PCDHGA2: variants seen among roughly 807,000 people sequenced by gnomAD.
The protein encoded by PCDHGA2 is protocadherin gamma-A2.
PCDHGA2 carries 40 observed loss-of-function variants against 59.2 expected under a neutral mutation model. That is an observed-to-expected ratio of 0.68 (90% CI 0.52 to 0.88). PCDHGA2 has a LOEUF of 0.88. Among genes scored for constraint, PCDHGA2 ranks in the 40% least tolerant of loss-of-function variants. The pLI is 0.00. For synonymous variants in PCDHGA2, 560 were observed against 526.0 expected (o/e 1.06, Z -0.89); for missense variants, 1,226 against 1,204.0 (o/e 1.02, Z -0.27).
intron 1 of PCDHGA2, chr5:141,409,628 G>A (rs367728235): frequency 1.2e-6 from 2 of 1,613,730 alleles, no homozygotes; most frequent in Non-Finnish European, 1.7e-6. Context: ...GCAAGTGAGC[G>A]CCTCTGACCC....
intron 1 of PCDHGA2, chr5:141,429,047 GGTTTCACC>G (rs1254088441): frequency 1.3e-5 from 2 of 152,034 alleles, no homozygotes; most frequent in Non-Finnish European, 2.9e-5. Flanking sequence ...GTACAGACGG[GGTTTCACC>G]GTGTTAGCCA....
At position 141,476,304 on chromosome 5, in the gene PCDHGA2, C is replaced by T. The variant is rs769790423; in HGVS notation, c.2425-18503C>T. On this transcript the variant is annotated intron_variant, in intron 1 of 3. Coordinates refer to ENST00000394576, the MANE Select transcript of PCDHGA2 (RefSeq NM_018915.4). The surrounding 1 kb of genome is among the most constrained non-coding windows in gnomAD (Gnocchi z 7.6). Reference sequence around the variant, plus strand: ...GGTTTGGATCTCGGTAGCCTCTCAGCCCGCAGGTTCCGGGTGGTGTCTGGA... The same window carrying T: ...GGTTTGGATCTCGGTAGCCTCTCAGTCCGCAGGTTCCGGGTGGTGTCTGGA... The T allele has an allele frequency of 6.2e-7, 1 of 1,613,746 alleles. No individual in the cohort carries two copies. Among genetic ancestry groups the T allele is most frequent in the Admixed American group, 1.7e-5 (1 of 59,988 alleles).
rs770468191 is a variant in PCDHGA2, at chr5:141,478,296, A to G, written c.2425-16511A>G. On this transcript the variant is annotated intron_variant, in intron 1 of 3. Coordinates refer to ENST00000394576, the MANE Select transcript of PCDHGA2 (RefSeq NM_018915.4). ...AAGTGGAAGCAGTCTAGAGACCTAT[A>G]CCGAGCCCCGGTGAGCTCACTGTAC... is the stretch of plus-strand genomic sequence containing the variant. The G allele has an allele frequency of 9.3e-6, 15 of 1,613,962 alleles. No individual in the cohort carries two copies. Among genetic ancestry groups the G allele is most frequent in the African/African-American group, 6.7e-5 (5 of 74,930 alleles).
intron 2 of PCDHGA2, among the ~76,000 whole-genome samples, chr5:141,501,876 C>T (rs1463329895): frequency 6.6e-6 from 1 of 152,118 alleles, no homozygotes; most frequent in East Asian, 1.9e-4. Context: ...CGCCTCCTTA[C>T]ACTCCTGATC....
chr5:141,461,773 C>T (rs894271810), intron 1 of PCDHGA2, among the ~76,000 whole-genome samples: 3 of 152,108 alleles, frequency 2.0e-5, no homozygotes, highest in Non-Finnish European at 4.4e-5. Context: ...CCTGCCTCAG[C>T]CTCCCAAGTA....
chr5:141,471,065 T>C (rs1355886133), intron 1 of PCDHGA2, among the ~76,000 whole-genome samples: 3 of 148,628 alleles, frequency 2.0e-5, no homozygotes, highest in Non-Finnish European at 3.0e-5. Context: ...TTTTTTTTTT[T>C]TGAGACAGGG....
chr5:141,422,422 T>TA, intron 1 of PCDHGA2: 1 of 1,607,804 alleles, frequency 6.2e-7, no homozygotes, highest in Non-Finnish European at 8.5e-7. Flanking sequence ...AGAAAAGACT[T>TA]ATGGAAATTA....
Position 141,429,390 on chromosome 5 carries a change from A to ATTTT in PCDHGA2, c.2425-65417_2425-65416insTTTT, listed in dbSNP as rs1561841316. ...TGGAGAAAATGTGTTTTTTTTTTAA[A>ATTTT]AAAAATTGAGATTAAGGTCTCATTA... On this transcript the variant is annotated intron_variant, in intron 1 of 3. Coordinates refer to ENST00000394576, the MANE Select transcript of PCDHGA2 (RefSeq NM_018915.4). 1.2e-4 allele frequency among the ~76,000 whole-genome samples: 18 copies of ATTTT among 150,328 alleles called. No homozygotes were observed. In the East Asian group the frequency reaches 1.9e-3, roughly 16 times the overall value.
At chr5:141,394,727 C>A in intron 1 of PCDHGA2, 1 of 1,613,436 alleles carries the variant, frequency 6.2e-7, no homozygotes, top group East Asian at 2.2e-5. Flanking sequence ...GAGATGCGCT[C>A]AAGCAGAGCC....
chr5:141,344,453 A>G, intron 1 of PCDHGA2: 1 of 1,613,800 alleles, frequency 6.2e-7, no homozygotes, highest in Non-Finnish European at 8.5e-7. Flanking sequence ...AATTGGAAAT[A>G]AAAATTGGTG....
chr5:141,466,686 T>G (rs112499949), intron 1 of PCDHGA2, among the ~76,000 whole-genome samples: 2 of 152,352 alleles, frequency 1.3e-5, no homozygotes, highest in African/African-American at 4.8e-5. Flanking sequence ...CCACTCAAGC[T>G]TCATCATAAA....
At chr5:141,423,666 A>G in intron 1 of PCDHGA2, 1 of 1,494,380 alleles carries the variant, frequency 6.7e-7, no homozygotes, top group Non-Finnish European at 8.9e-7. Context: ...ATCAGGTGAG[A>G]TTTATTTCTC....
At chr5:141,478,019 C>T in intron 1 of PCDHGA2, 1 of 1,614,136 alleles carries the variant, frequency 6.2e-7, no homozygotes, top group Non-Finnish European at 8.5e-7. Flanking sequence ...CCGTCCAGTC[C>T]AAGACACAGA....
In PCDHGA2 at chr5:141,382,630, A is replaced by G. The variant is rs142649877; in HGVS notation, c.2424+41235A>G. ...TGAAATCAGTGTATTGTGTGCATCA[A>G]TGTGGTGCAGTAACTTAGTAAGGAC... On this transcript the variant is annotated intron_variant, in intron 1 of 3. Coordinates refer to ENST00000394576, the MANE Select transcript of PCDHGA2 (RefSeq NM_018915.4). The G allele has an allele frequency of 1.3e-4, 49 of 364,976 alleles. 1 individual carries two copies. Among genetic ancestry groups the G allele is most frequent in the Middle Eastern group, 7.2e-4 (1 of 1,388 alleles). 22.6% of individuals were successfully genotyped at this position (364,976 alleles called of 1,614,324 possible). A position where few individuals can be genotyped will look rare whatever the true frequency, so the allele number is the denominator to read the frequency against.
chr5:141,422,727 G>A, intron 1 of PCDHGA2: 6 of 1,606,552 alleles, frequency 3.7e-6, no homozygotes, highest in Non-Finnish European at 5.1e-6. Flanking sequence ...TCCAGGGGGT[G>A]CCTCTGTCCT....
At chr5:141,452,065 T>A (rs185791618) in intron 1 of PCDHGA2, among the ~76,000 whole-genome samples, 1 of 152,332 alleles carries the variant, frequency 6.6e-6, no homozygotes, top group Non-Finnish European at 1.5e-5. Flanking sequence ...TTATTCTACT[T>A]TTATTAGTTG....
chr5:141,370,459 T>G, intron 1 of PCDHGA2: 2 of 1,612,272 alleles, frequency 1.2e-6, no homozygotes, highest in Admixed American at 3.3e-5. Flanking sequence ...CTCTTCCTGC[T>G]CTCTTTGTTA....
At position 141,490,735 on chromosome 5, in the gene PCDHGA2, C is replaced by T; in HGVS notation, c.2425-4072C>T. The T allele has an allele frequency of 2.5e-6, 4 of 1,614,194 alleles. No individual in the cohort carries two copies. Among genetic ancestry groups the T allele is most frequent in the Non-Finnish European group, 2.5e-6 (3 of 1,180,018 alleles). ...CTACTCCATTGTAGGAAATCAGGTTCAGGGAGCCCCAGCCTCCTCCTTTGT... is the reference window on the plus strand; with the variant it reads ...CTACTCCATTGTAGGAAATCAGGTTTAGGGAGCCCCAGCCTCCTCCTTTGT... On this transcript the variant is annotated intron_variant, in intron 1 of 3. Transcript: ENST00000394576. This position sits in a 1 kb window ranked among gnomAD's most constrained non-coding sequence, Gnocchi z 5.4.
chr5:141,414,684 A>G (rs747750994), intron 1 of PCDHGA2: 6 of 1,613,806 alleles, frequency 3.7e-6, no homozygotes, highest in Non-Finnish European at 5.1e-6. Flanking sequence ...TCCAGGGGGT[A>G]CCTCTGTCCT....
Sources: gnomAD v4.1 joint callset for allele counts (sites outside exome capture counted in the v4.1 genomes callset) on GRCh38, gnomAD v4.1.1 for gene constraint, Gnocchi (gnomAD v3.1) non-coding constraint, MANE v1.5 for transcripts, NCBI Gene and HGNC (gene_info 2026-07-23, HGNC 2026-07-21) for gene names.